TECTA: variants seen among roughly 807,000 people sequenced by gnomAD.
TECTA encodes the protein alpha-tectorin.
In TECTA, 128 loss-of-function variants were observed where a neutral mutation model predicts 216.8. The observed-to-expected ratio is 0.59, with a 90% CI of 0.51 to 0.68. The LOEUF (loss-of-function observed/expected upper bound fraction) is 0.68. TECTA is among the 30% of genes least tolerant of loss of function. TECTA has a pLI of 0.00. For missense variants in TECTA, 2,551 were observed against 2,786.2 expected, an observed-to-expected ratio of 0.92 and a Z score of 1.90; for synonymous variants, 1,089 against 1,117.1, an observed-to-expected ratio of 0.97 and a Z score of 0.50.
intron 20 of TECTA, among the ~76,000 whole-genome samples, chr11:121,178,381 A>G (rs1051049565): frequency 6.6e-6 from 1 of 152,312 alleles, no homozygotes; most frequent in East Asian, 1.9e-4. Context: ...ATTTGTATAT[A>G]TTGAAACATT....
chr11:121,134,215 A>T (rs78192844), intron 10 of TECTA, among the ~76,000 whole-genome samples: 1,876 of 152,014 alleles, frequency 0.012, 37 homozygotes, highest in African/African-American at 0.043. Context: ...AGCCCTGGTG[A>T]GTGGGGAATG....
In TECTA at chr11:121,145,796, G is replaced by T. The variant is rs767674803; in HGVS notation, c.3785G>T (p.Ser1262Ile). The T allele has an allele frequency of 6.2e-7, 1 of 1,614,218 alleles. No homozygotes were observed. Among genetic ancestry groups the T allele is most frequent in the South Asian group, 1.1e-5 (1 of 91,092 alleles). Reference protein sequence around the residue: ...LEMPMGLLASSVNEFGQSWVK... With the variant: ...LEMPMGLLASIVNEFGQSWVK... ...ATGCCCATGGGTCTGCTTGCATCGA[G>T]TGTCAATGAGTTTGGGCAGAGCTGG... Residue 1262 changes from serine to isoleucine, a missense_variant, in exon 12 of 24, where the codon AGT becomes ATT. Transcript: ENST00000392793.
chr11:121,161,382 G>A (rs1193492053), intron 15 of TECTA, among the ~76,000 whole-genome samples: 2 of 151,876 alleles, frequency 1.3e-5, no homozygotes, highest in Non-Finnish European at 2.9e-5. Context: ...ACCATGCATC[G>A]ACCTACAGAT....
intron 8 of TECTA, among the ~76,000 whole-genome samples, chr11:121,126,609 T>C (rs1296059080): frequency 2.6e-5 from 4 of 152,214 alleles, no homozygotes; most frequent in Non-Finnish European, 5.9e-5. Flanking sequence ...TATGAGTAAA[T>C]AGAAAATTGT....
At chr11:121,163,022 A>C (rs560924047) in intron 16 of TECTA, among the ~76,000 whole-genome samples, 15 of 152,326 alleles carry the variant, frequency 9.8e-5, no homozygotes, top group African/African-American at 3.6e-4. Flanking sequence ...TAAATGTGCC[A>C]TAGACATACA....
At chr11:121,112,160 G>C (rs1238037297) in intron 4 of TECTA, among the ~76,000 whole-genome samples, 2 of 152,204 alleles carry the variant, frequency 1.3e-5, no homozygotes, top group African/African-American at 2.4e-5. Flanking sequence ...GTGAGGATTA[G>C]CAAGAGGAAA....
rs776105683 is a variant in TECTA at position 121,145,522 on chromosome 11, C to A, written c.3544-33C>A. The stretch of plus-strand genomic sequence containing the variant: ...AAGAGCTGGGAAATCTCTGGGCCAA[C>A]TGTGTTTCTCCACCTCATCTCTCCT... On this transcript the variant is annotated intron_variant, in intron 11 of 23. Coordinates refer to ENST00000392793, the MANE Select transcript of TECTA (RefSeq NM_005422.4). 7 of 1,611,216 alleles carry A rather than the reference C, an allele frequency of 4.3e-6. No homozygotes were observed. In the East Asian group the frequency reaches 1.3e-4, roughly 31 times the overall value.
intron 14 of TECTA, among the ~76,000 whole-genome samples, chr11:121,158,640 A>G (rs924953830): frequency 6.6e-6 from 1 of 152,132 alleles, no homozygotes; most frequent in Non-Finnish European, 1.5e-5. Context: ...CCTTTCTATA[A>G]GCTAAGGGAA....
In TECTA at chr11:121,128,704, G is replaced by A. The variant is rs73013279; in HGVS notation, c.2367+360G>A. ...GAAAGCTGAGGAGCAGAGAGGCTAA[G>A]TAACTTCCACAGGGACACCTAACCG... On this transcript the variant is annotated intron_variant, in intron 9 of 23. Transcript: ENST00000392793. Among the ~76,000 whole-genome samples the A allele has an allele frequency of 6.0e-3, 912 of 152,320 alleles. 3 individuals are homozygous for A. Among genetic ancestry groups the A allele is most frequent in the Middle Eastern group, 0.014 (4 of 294 alleles).
rs1325479546 is a variant in TECTA at position 121,191,108 on chromosome 11, T to G, written c.*302T>G. 1.8e-5 allele frequency: 6 copies of G among 339,990 alleles called. No individual in the cohort carries two copies. The highest frequency in any genetic ancestry group is 3.4e-5 in the Non-Finnish European group (6 of 176,646). The allele number at this position is 339,990 out of a possible 1,614,324, so 21.1% of individuals were successfully genotyped here. A position where few individuals can be genotyped will look rare whatever the true frequency, so the allele number is the denominator to read the frequency against. Reference sequence around the variant, plus strand: ...AACCAGTAAAGGAAAAAAATTCTGGTTAGAGAAATCTGACTGGAAATCTGA... The same window carrying G: ...AACCAGTAAAGGAAAAAAATTCTGGGTAGAGAAATCTGACTGGAAATCTGA... On this transcript the variant is annotated 3_prime_UTR_variant, in exon 24 of 24. Transcript: ENST00000392793.
intron 20 of TECTA, among the ~76,000 whole-genome samples, chr11:121,173,005 T>A (rs2134201652): frequency 1.3e-5 from 2 of 150,826 alleles, no homozygotes; most frequent in South Asian, 4.2e-4. Flanking sequence ...AAGTGTCTGT[T>A]CATGTCCTTC....
In TECTA at chr11:121,118,561, C is replaced by T. The variant is rs367548992; in HGVS notation, c.1046C>T (p.Ala349Val). The T allele has an allele frequency of 2.5e-6, 4 of 1,614,070 alleles. No homozygotes were observed. The African/African-American group carries it at 5.3e-5, about 22-fold the overall frequency. ...CAAGGCTCCTGTGCCTACTTGCTGG[C>T]CCGACAGTGTTTGCAGACTTCCAGC... ...HFQGSCAYLL[A>V]RQCLQTSSLP... Residue 349 changes from alanine to valine, a missense_variant, in exon 7 of 24, where the codon GCC (alanine) becomes GTC (valine). Physicochemically the swap from Ala to Val is moderately conservative, Grantham distance 64. This residue lies in a region of TECTA where 2,375 missense variants were observed against 2,563.9 expected (regional missense o/e 0.93). Transcript: ENST00000392793.
In TECTA at chr11:121,145,637, T is replaced by C. The variant is rs1339897940; in HGVS notation, c.3626T>C (p.Val1209Ala). The C allele has an allele frequency of 2.5e-6, 4 of 1,614,072 alleles. No individual in the cohort carries two copies. Among genetic ancestry groups the C allele is most frequent in the Non-Finnish European group, 3.4e-6 (4 of 1,180,044 alleles). Reference protein sequence around the residue: ...NIFSFGFHVVVETDFGLKVVY... With the variant: ...NIFSFGFHVVAETDFGLKVVY... ...TTTTCCTTTGGCTTCCACGTGGTGGTGGAAACTGATTTTGGCCTGAAGGTT... is the reference window on the plus strand; with the variant it reads ...TTTTCCTTTGGCTTCCACGTGGTGGCGGAAACTGATTTTGGCCTGAAGGTT... Residue 1209 changes from valine (V) to alanine (A), a missense_variant, in exon 12 of 24, where the codon GTG (valine) becomes GCG (alanine). This residue lies in a region of TECTA where 2,375 missense variants were observed against 2,563.9 expected (regional missense o/e 0.93). Coordinates refer to ENST00000392793, the MANE Select transcript of TECTA (RefSeq NM_005422.4).
In TECTA at chr11:121,189,091, C is replaced by G. The variant is rs1947315672; in HGVS notation, c.6174C>G (p.His2058Gln). Residue 2058 changes from histidine (H) to glutamine (Q), a missense_variant, in exon 22 of 24, where the codon CAC (histidine) becomes CAG (glutamine). This residue lies in a region of TECTA where 118 missense variants were observed against 116.4 expected (regional missense o/e 1.01). Transcript: ENST00000392793. ...ATTCTGTCTTGCAGACTTGCCCACACAATTCCAGGATTGCCACAGATTACA... is the reference window on the plus strand; with the variant it reads ...ATTCTGTCTTGCAGACTTGCCCACAGAATTCCAGGATTGCCACAGATTACA... Reference protein sequence around the residue: ...EKYSCKITCPHNSRIATDYTK... With the variant: ...EKYSCKITCPQNSRIATDYTK... The G allele has an allele frequency of 1.9e-6, 3 of 1,614,188 alleles. No individual in the cohort carries two copies. The East Asian group carries it at 6.7e-5, about 36-fold the overall frequency.
intron 11 of TECTA, among the ~76,000 whole-genome samples, chr11:121,143,780 C>T (rs1184552702): frequency 1.3e-5 from 2 of 152,214 alleles, no homozygotes; most frequent in Admixed American, 1.3e-4. Flanking sequence ...TCCCTGTTGT[C>T]TTAGGTCAGG....
rs141717375 is a variant in TECTA, at chr11:121,145,862, G to T, written c.3851G>T (p.Arg1284Leu). The change falls in exon 12 of 24, where the codon CGC (arginine) becomes CTC (leucine). Residue 1284 changes from arginine to leucine, a missense_variant. Physicochemically the swap from Arg to Leu is moderately radical, Grantham distance 102. This residue lies in a region of TECTA where 2,375 missense variants were observed against 2,563.9 expected (regional missense o/e 0.93). Transcript: ENST00000392793. ...DTFCQVGCGD[R>L]CPSCAKVEGF... is the part of the protein sequence containing the mutation. ...TTCTGCCAGGTGGGCTGTGGGGACC[G>T]CTGTCCGTCCTGTGCCAAGGTGGAA... 1 of 1,614,146 alleles carries T rather than the reference G, an allele frequency of 6.2e-7. No individual in the cohort carries two copies. Among genetic ancestry groups the T allele is most frequent in the Non-Finnish European group, 8.5e-7 (1 of 1,180,052 alleles).
intron 15 of TECTA, 123 bp from the exon 16 acceptor site, chr11:121,161,952 A>G (rs1288490670): frequency 1.6e-6 from 2 of 1,249,844 alleles, no homozygotes. Context: ...GCCAAAGGTC[A>G]CAAAGCTAGT....
Position 121,146,131 on chromosome 11 carries a change from T to A in TECTA, c.4105+15T>A. On this transcript the variant is annotated intron_variant, in intron 12 of 23. Coordinates refer to ENST00000392793, the MANE Select transcript of TECTA (RefSeq NM_005422.4). ...CACGTCCTGCAGTGAGTCCTTCTCGTTGTCCCTCCTTGTAGCTTCTCCTCT... is the reference window on the plus strand; with the variant it reads ...CACGTCCTGCAGTGAGTCCTTCTCGATGTCCCTCCTTGTAGCTTCTCCTCT... 3 of 1,601,988 alleles carry A rather than the reference T, an allele frequency of 1.9e-6. No individual in the cohort carries two copies. Among genetic ancestry groups the A allele is most frequent in the Non-Finnish European group, 2.5e-6 (3 of 1,179,876 alleles).
chr11:121,134,730 G>A (rs1307067833), intron 10 of TECTA, among the ~76,000 whole-genome samples: 1 of 152,072 alleles, frequency 6.6e-6, no homozygotes, highest in African/African-American at 2.4e-5. Context: ...CTGTTCTGTT[G>A]CCAGGCCATT....
Sources: allele counts gnomAD v4.1 joint callset (sites outside exome capture counted in the v4.1 genomes callset), GRCh38; gene constraint gnomAD v4.1.1; regional missense constraint gnomAD v4.1.1; transcripts MANE v1.5; gene names NCBI Gene and HGNC (gene_info 2026-07-23, HGNC 2026-07-21).